The following CFAP74 variants were observed in gnomAD, a reference collection of about 807,000 sequenced individuals.
CFAP74 encodes cilia and flagella associated protein 74.
In CFAP74, 124 loss-of-function variants were observed where a neutral mutation model predicts 188.9. The ratio of observed to expected loss-of-function variants is 0.66; its 90% CI spans 0.57 to 0.76. The LOEUF is 0.76. Among genes scored for constraint, CFAP74 ranks in the 30% least tolerant of loss-of-function variants. CFAP74 has a pLI of 0.00. For missense variants in CFAP74, 2,198 were observed against 2,165.2 expected, an observed-to-expected ratio of 1.02 and a Z score of -0.30; for synonymous variants, 956 against 916.7, an observed-to-expected ratio of 1.04 and a Z score of -0.77.
Position 1,923,096 on chromosome 1 carries a change from G to A in CFAP74, c.4572C>T (p.Pro1524=), listed in dbSNP as rs1454012169. ...GGATGTAGTCCAGGGTCACCAGGATGGGCCTCAGCTCCTCAGCTTCTGGAG... is the reference window on the plus strand; with the variant it reads ...GGATGTAGTCCAGGGTCACCAGGATAGGCCTCAGCTCCTCAGCTTCTGGAG... ...PLSPEAEELR[P]ILVTLDYIQF... Residue 1524 remains proline, a synonymous_variant, in exon 37 of 39, where the codon CCC becomes CCT. Coordinates refer to ENST00000682832, the MANE Select transcript of CFAP74 (RefSeq NM_001304360.2). This position sits in a 1 kb window ranked among gnomAD's most constrained non-coding sequence, Gnocchi z 6.3. 1 of 1,610,014 alleles carries A rather than the reference G, an allele frequency of 6.2e-7. No individual in the cohort carries two copies.
At chr1:1,995,299 C>T (rs1657855534) in intron 1 of CFAP74, among the ~76,000 whole-genome samples, 1 of 152,068 alleles carries the variant, frequency 6.6e-6, no homozygotes, top group African/African-American at 2.4e-5. Flanking sequence ...TGAGACCAGC[C>T]TGGCCAACAT....
At chr1:1,950,999 G>T (rs1424393610) in intron 18 of CFAP74, among the ~76,000 whole-genome samples, 1 of 152,094 alleles carries the variant, frequency 6.6e-6, no homozygotes, top group African/African-American at 2.4e-5. Flanking sequence ...TGTGAGGAAC[G>T]AATTAAAGTT....
rs200056196 is a variant in CFAP74, at chr1:1,970,690, G to A, written c.1015C>T (p.Arg339Cys). The A allele has an allele frequency of 4.8e-3, 7,722 of 1,613,012 alleles. 28 individuals carry two copies. The highest frequency in any genetic ancestry group is 5.0e-3 in the Non-Finnish European group (5,929 of 1,179,530). The change falls in exon 10 of 39, where the codon CGC becomes TGC. Residue 339 changes from arginine to cysteine, a missense_variant. Arg to Cys is a radical substitution (Grantham distance 180, BLOSUM62 -3). Transcript: ENST00000682832. ...RDAFRHLVHQ[R>C]RRQELEAQKR... ...TGGGCCTCCAGCTCCTGGCGCCGGC[G>A]CTGGTGGACAAGGTGCCTGAATGCA...
intron 20 of CFAP74, among the ~76,000 whole-genome samples, chr1:1,945,705 G>A (rs1653704580): frequency 6.6e-6 from 1 of 151,924 alleles, no homozygotes; most frequent in South Asian, 2.1e-4. Flanking sequence ...GCACGCACCT[G>A]TAATCCCAGC....
At chr1:1,950,955 T>C (rs1654167570) in intron 18 of CFAP74, among the ~76,000 whole-genome samples, 1 of 152,204 alleles carries the variant, frequency 6.6e-6, no homozygotes, top group African/African-American at 2.4e-5. Context: ...AACTTTTAGG[T>C]ACATCATCTA....
At chr1:1,974,607 T>G (rs1656319807) in intron 6 of CFAP74, among the ~76,000 whole-genome samples, 1 of 150,960 alleles carries the variant, frequency 6.6e-6, no homozygotes, top group African/African-American at 2.4e-5. Flanking sequence ...CACCCCTCAG[T>G]CTTCAAATGT....
chr1:1,968,871 C>G lies in CFAP74; in HGVS notation c.1047-38G>C. The G allele has an allele frequency of 6.3e-7, 1 of 1,599,192 alleles. No individual in the cohort carries two copies. Among genetic ancestry groups the G allele is most frequent in the South Asian group, 1.1e-5 (1 of 90,540 alleles). ...GCTTCTCAGATGAGTGCAAGAGGTC[C>G]CCTGCCTCCACCTTGCCCCAGATGA... On this transcript the variant is annotated intron_variant, in intron 10 of 38. Coordinates refer to ENST00000682832, the MANE Select transcript of CFAP74 (RefSeq NM_001304360.2). The surrounding 1 kb of genome is among the most constrained non-coding windows in gnomAD (Gnocchi z 4.3).
chr1:1,959,926 A>G (rs1212706019), intron 15 of CFAP74, 38 bp downstream of exon 15: 1 of 1,535,170 alleles, frequency 6.5e-7, no homozygotes, highest in Non-Finnish European at 8.8e-7. Flanking sequence ...ACCCACCACC[A>G]CCTCCCCTTC....
At position 1,968,476 on chromosome 1, in the gene CFAP74, C is replaced by T. The variant is rs1372931301; in HGVS notation, c.1245+159G>A. On this transcript the variant is annotated intron_variant, in intron 11 of 38. Coordinates refer to ENST00000682832, the MANE Select transcript of CFAP74 (RefSeq NM_001304360.2). The surrounding 1 kb of genome is among the most constrained non-coding windows in gnomAD (Gnocchi z 4.3). Reference sequence around the variant, plus strand: ...CCGTAGTGTGTCTTGTCCCCTTGTCCTTGAGCTGAGTGGCGGCCACTCAGC... The same window carrying T: ...CCGTAGTGTGTCTTGTCCCCTTGTCTTTGAGCTGAGTGGCGGCCACTCAGC... Among the ~76,000 whole-genome samples, 1 of 151,994 alleles carries T rather than the reference C, an allele frequency of 6.6e-6. No individual in the cohort carries two copies. Among genetic ancestry groups the T allele is most frequent in the African/African-American group, 2.4e-5 (1 of 41,364 alleles).
chr1:2,002,743 CTA>C (rs1186135660), intron 1 of CFAP74, among the ~76,000 whole-genome samples: 2 of 149,622 alleles, frequency 1.3e-5, no homozygotes, highest in African/African-American at 2.4e-5. Flanking sequence ...TTACATAAAA[CTA>C]TATGTGGCAT....
chr1:1,927,466 G>A lies in CFAP74; in HGVS notation c.3527+141C>T, dbSNP rs558085274. ...CCCAGGAAGGCAGCACCTGGATCCA[G>A]CTGTGTCTGAAGGCATCAGTCCTTC... On this transcript the variant is annotated intron_variant, in intron 28 of 38. Transcript: ENST00000682832. 4.9e-6 allele frequency: 4 copies of A among 811,130 alleles called. No individual in the cohort carries two copies. In the South Asian group the frequency reaches 5.5e-5, roughly 11 times the overall value. 50.2% of individuals were successfully genotyped at this position (811,130 alleles called of 1,614,324 possible). A position where few individuals can be genotyped will look rare whatever the true frequency, so the allele number is the denominator to read the frequency against.
At position 1,938,775 on chromosome 1, in the gene CFAP74, A is replaced by T. The variant is rs1653135655; in HGVS notation, c.3011+80T>A. 4 of 1,458,234 alleles carry T rather than the reference A, an allele frequency of 2.7e-6. No individual in the cohort carries two copies. In the South Asian group the frequency reaches 5.1e-5, roughly 19 times the overall value. The allele number at this position is 1,458,234 out of a possible 1,614,324, so 90.3% of individuals were successfully genotyped here. A position where few individuals can be genotyped will look rare whatever the true frequency, so the allele number is the denominator to read the frequency against. ...CAGGCAGATGGGGTCAGGGGCGGGG[A>T]TGTGGTGGAGCTGGGAAGGGGGGCC... On this transcript the variant is annotated intron_variant, in intron 25 of 38. Transcript: ENST00000682832.
intron 20 of CFAP74, among the ~76,000 whole-genome samples, chr1:1,946,050 T>C (rs1653748657): frequency 6.6e-6 from 1 of 152,054 alleles, no homozygotes; most frequent in South Asian, 2.1e-4. Context: ...GCTCTGCGTG[T>C]GTGCATGTGT....
intron 2 of CFAP74, among the ~76,000 whole-genome samples, chr1:1,990,215 G>A (rs1657487692): frequency 6.6e-6 from 1 of 152,180 alleles, no homozygotes; most frequent in Non-Finnish European, 1.5e-5. Flanking sequence ...AGAATGTAAA[G>A]GGGTTCTCAG....
intron 1 of CFAP74, among the ~76,000 whole-genome samples, chr1:1,994,055 T>C (rs1384311648): frequency 1.3e-5 from 2 of 151,644 alleles, no homozygotes; most frequent in African/African-American, 4.9e-5. Flanking sequence ...GTCCCACCTA[T>C]TCAGGAGGCT....
chr1:1,925,099 C>G (rs1306591551), intron 33 of CFAP74, among the ~76,000 whole-genome samples: 1 of 139,242 alleles, frequency 7.2e-6, no homozygotes, highest in Non-Finnish European at 1.5e-5. Context: ...CACACTGGTG[C>G]GAAGGCATGA....
chr1:1,934,471 ATG>A (rs1447780387), intron 25 of CFAP74, among the ~76,000 whole-genome samples: 12 of 110,028 alleles, frequency 1.1e-4, no homozygotes, highest in African/African-American at 4.2e-4. Flanking sequence ...ACAGGTGTGT[ATG>A]TGTGTTAGGT....
chr1:1,961,099 G>A (rs887418934), intron 14 of CFAP74, among the ~76,000 whole-genome samples: 8 of 152,156 alleles, frequency 5.3e-5, no homozygotes, highest in Admixed American at 2.0e-4. Flanking sequence ...GCACTAAGGG[G>A]ACAAGTGGTG....
At chr1:1,989,019 A>C in intron 2 of CFAP74, 46 bp from the exon 3 acceptor site, 2 of 982,584 alleles carry the variant, frequency 2.0e-6, no homozygotes, top group Non-Finnish European at 3.1e-6. Flanking sequence ...AGCAGATCAA[A>C]CATTTGCATC....
Sources: gnomAD v4.1 joint callset for allele counts (sites outside exome capture counted in the v4.1 genomes callset) on GRCh38, gnomAD v4.1.1 for gene constraint, Gnocchi (gnomAD v3.1) non-coding constraint, MANE v1.5 for transcripts, NCBI Gene and HGNC (gene_info 2026-07-23, HGNC 2026-07-21) for gene names.